KYAT1: variants seen among roughly 807,000 people sequenced by gnomAD.
KYAT1 encodes the protein kynurenine aminotransferase 1.
Under a neutral mutation model 52.4 loss-of-function variants are expected in KYAT1, and 47 were observed. The ratio of observed to expected loss-of-function variants is 0.90; its 90% CI spans 0.71 to 1.14. KYAT1 has a LOEUF of 1.14. Among genes scored for constraint, KYAT1 ranks in the 50% most tolerant of loss-of-function variants. KYAT1 has a pLI of 0.00. For synonymous variants in KYAT1, 212 were observed against 209.6 expected, an observed-to-expected ratio of 1.01 and a Z score of -0.10; for missense variants, 480 against 557.9, an observed-to-expected ratio of 0.86 and a Z score of 1.41.
At chr9:128,856,434 A>G (rs1422069336) in intron 1 of KYAT1, among the ~76,000 whole-genome samples, 1 of 152,204 alleles carries the variant, frequency 6.6e-6, no homozygotes, top group Admixed American at 6.5e-5. Context: ...CGGTTTTGTC[A>G]AAAAGAAAAG....
At chr9:128,852,632 C>T (rs1171435529) in intron 1 of KYAT1, among the ~76,000 whole-genome samples, 2 of 152,188 alleles carry the variant, frequency 1.3e-5, no homozygotes, top group African/African-American at 4.8e-5. Context: ...TGATAAGATT[C>T]AGACCTCTAC....
chr9:128,842,685 T>A lies in KYAT1; in HGVS notation c.170A>T (p.Asp57Val). The A allele has an allele frequency of 1.3e-5, 21 of 1,614,036 alleles. No individual in the cohort carries two copies. Among genetic ancestry groups the A allele is most frequent in the Non-Finnish European group, 1.8e-5 (21 of 1,179,978 alleles). Residue 57 changes from aspartate to valine, a missense_variant, in exon 3 of 13, where the codon GAC becomes GTC. Physicochemically the swap from Asp to Val is radical, Grantham distance 152. Transcript: ENST00000302586. ...VEAFQHAVSG[D>V]FMLNQYTKTF... ...CTTGGTGTACTGGTTAAGCATGAAG[T>A]CTCCACTGACAGCGTGCTGAAAGGC...
At chr9:128,843,526 C>T (rs901436943) in intron 2 of KYAT1, among the ~76,000 whole-genome samples, 2 of 151,962 alleles carry the variant, frequency 1.3e-5, no homozygotes, top group African/African-American at 4.8e-5. Context: ...TTACAGGCAC[C>T]CGCCACCACG....
At chr9:128,836,654 C>T (rs1831177973) in intron 7 of KYAT1, 148 bp downstream of exon 7, 10 of 871,970 alleles carry the variant, frequency 1.1e-5, no homozygotes, top group South Asian at 3.5e-5. Context: ...GCTACTGTGA[C>T]ACTGTGTACT....
intron 1 of KYAT1, among the ~76,000 whole-genome samples, chr9:128,864,003 C>T (rs1835826745): frequency 6.6e-6 from 1 of 151,990 alleles, no homozygotes; most frequent in African/African-American, 2.4e-5. Flanking sequence ...TGGCAGTCAC[C>T]TTTTATTTAC....
intron 1 of KYAT1, chr9:128,846,561 C>T: frequency 4.4e-6 from 3 of 674,218 alleles, no homozygotes; most frequent in Non-Finnish European, 7.1e-6. Context: ...ATCGTGCCAG[C>T]CACTGCACTC....
chr9:128,868,181 ATTTTTT>A (rs36019409), intron 1 of KYAT1, among the ~76,000 whole-genome samples: 5 of 142,604 alleles, frequency 3.5e-5, no homozygotes, highest in African/African-American at 1.3e-4. Context: ...TGGCCCACTA[ATTTTTT>A]TTTTTTTGAG....
intron 1 of KYAT1, chr9:128,847,337 G>C: frequency 1.3e-6 from 1 of 768,912 alleles, no homozygotes; most frequent in Non-Finnish European, 2.1e-6. Flanking sequence ...CTCCCTGAAA[G>C]AGAAGGCTCA....
At position 128,850,080 on chromosome 9, in the gene KYAT1, T is replaced by G. The variant is rs149153828; in HGVS notation, c.-6-4669A>C. 3.8e-4 allele frequency among the ~76,000 whole-genome samples: 58 copies of G among 151,590 alleles called. 1 individual carries two copies. Among genetic ancestry groups the G allele is most frequent in the African/African-American group, 1.4e-3 (58 of 41,380 alleles). On this transcript the variant is annotated intron_variant, in intron 1 of 12. Coordinates refer to ENST00000302586, the MANE Select transcript of KYAT1 (RefSeq NM_004059.5). ...TTGTATTTTAATTAGAGATGGGGTT[T>G]TGCTATACTGGCCAGGCTGGTCTTG...
intron 1 of KYAT1, among the ~76,000 whole-genome samples, chr9:128,865,244 C>T (rs561162227): frequency 9.0e-6 from 1 of 111,180 alleles, no homozygotes; most frequent in South Asian, 2.9e-4. Flanking sequence ...CCCTCCCACA[C>T]CAAAAAAAAA....
At chr9:128,873,362 TG>T (rs1253671304) in intron 1 of KYAT1, among the ~76,000 whole-genome samples, 1 of 128,908 alleles carries the variant, frequency 7.8e-6, no homozygotes, top group African/African-American at 3.1e-5. Flanking sequence ...GTATAGAAAA[TG>T]AAAAAAAAAA....
In KYAT1 at chr9:128,835,580, G is replaced by A. The variant is rs1057342951; in HGVS notation, c.943C>T (p.Arg315Cys). 4.3e-6 allele frequency: 7 copies of A among 1,613,292 alleles called. No homozygotes were observed. Among genetic ancestry groups the A allele is most frequent in the South Asian group, 1.1e-5 (1 of 91,084 alleles). Residue 315 changes from arginine to cysteine, a missense_variant, in exon 10 of 13, where the codon CGC becomes TGC. Arg to Cys is a radical substitution (Grantham distance 180, BLOSUM62 -3). Transcript: ENST00000302586. ...CTACGTATCATGTGGTCACGGCAGC[G>A]CTGCATGGCCTGCGGGAACTGCACA... is the stretch of plus-strand genomic sequence containing the variant. Reference protein sequence around the residue: ...YFVQFPQAMQRCRDHMIRSLQ... With the variant: ...YFVQFPQAMQCCRDHMIRSLQ...
intron 1 of KYAT1, among the ~76,000 whole-genome samples, chr9:128,874,722 CTTT>C (rs201788280): frequency 8.1e-6 from 1 of 123,660 alleles, no homozygotes. Context: ...ATAATCCTGC[CTTT>C]TTTTTTTTTT....
At chr9:128,846,591 A>C in intron 1 of KYAT1, 1 of 1,011,252 alleles carries the variant, frequency 9.9e-7, no homozygotes, top group African/African-American at 1.8e-5. Flanking sequence ...CCAACGAGCA[A>C]GACTCTACCA....
At chr9:128,841,763 C>T (rs576020945) in intron 3 of KYAT1, among the ~76,000 whole-genome samples, 2 of 151,438 alleles carry the variant, frequency 1.3e-5, no homozygotes, top group Admixed American at 6.6e-5. Flanking sequence ...TTTTGGAGGC[C>T]GAGGTGGCAG....
At chr9:128,858,124 C>T (rs1318427380) in intron 1 of KYAT1, among the ~76,000 whole-genome samples, 2 of 151,962 alleles carry the variant, frequency 1.3e-5, no homozygotes, top group Non-Finnish European at 1.5e-5. Context: ...AGGCTGGGCA[C>T]GGTGGCTCAC....
At chr9:128,834,291 C>T (rs572607741) in intron 11 of KYAT1, among the ~76,000 whole-genome samples, 1 of 152,158 alleles carries the variant, frequency 6.6e-6, no homozygotes, top group African/African-American at 2.4e-5. Context: ...AGAAAAGAAT[C>T]CCAGAACATC....
In KYAT1 at chr9:128,835,320, C is replaced by A. The variant is rs1289068453; in HGVS notation, c.1122+3G>T. 3.1e-6 allele frequency: 5 copies of A among 1,613,242 alleles called. No homozygotes were observed. The South Asian group carries it at 5.5e-5, about 18-fold the overall frequency. Reference sequence around the variant, plus strand: ...ATGGCTGCCTGGCAGAGGCCCAGCCCACCTTGTTCTTGATCATCCACTTGA... The same window carrying A: ...ATGGCTGCCTGGCAGAGGCCCAGCCAACCTTGTTCTTGATCATCCACTTGA... On this transcript the variant is annotated splice_donor_region_variant and intron_variant, in intron 11 of 12. Transcript: ENST00000302586.
At chr9:128,865,777 A>G (rs1198913343) in intron 1 of KYAT1, among the ~76,000 whole-genome samples, 4 of 152,058 alleles carry the variant, frequency 2.6e-5, no homozygotes, top group African/African-American at 9.7e-5. Flanking sequence ...CTCACATTTT[A>G]TTGATGGGGA....
Sources: allele counts gnomAD v4.1 joint callset (sites outside exome capture counted in the v4.1 genomes callset), GRCh38; gene constraint gnomAD v4.1.1; transcripts MANE v1.5; gene names NCBI Gene and HGNC (gene_info 2026-07-23, HGNC 2026-07-21).